Variants in SCAF8 observed in about 807,000 individuals in gnomAD.
The protein encoded by SCAF8 is SR-related and CTD-associated factor 8.
A neutral mutation model predicts 140.5 loss-of-function variants in SCAF8; 23 were observed. That is an observed-to-expected ratio of 0.16 (90% CI 0.12 to 0.23). The LOEUF (loss-of-function observed/expected upper bound fraction) is 0.23. SCAF8 is among the 10% of genes least tolerant of loss of function. The probability of loss-of-function intolerance (pLI) is 1.00; values close to 1 mark genes in which losing one functional copy is unlikely to be tolerated. For synonymous variants in SCAF8, 575 were observed against 528.9 expected (o/e 1.09, Z -1.20); for missense variants, 1,397 against 1,555.7 (o/e 0.90, Z 1.72).
chr6:154,733,885 C>T lies in SCAF8; in HGVS notation c.-16C>T, dbSNP rs777157891. The T allele has an allele frequency of 1.4e-4, 218 of 1,543,914 alleles. 1 individual carries two copies. Among genetic ancestry groups the T allele is most frequent in the Non-Finnish European group, 1.8e-4 (211 of 1,150,704 alleles). ...GCCTCTTCCGCCGCCGGGCTCGGGG[C>T]CTCCGCAGCGACAACATGGAGGCCG... On this transcript the variant is annotated 5_prime_UTR_variant, in exon 1 of 20. Transcript: ENST00000367178.
In SCAF8 at chr6:154,832,811, C is replaced by A. The variant is rs777031188; in HGVS notation, c.3232C>A (p.His1078Asn). The change falls in exon 20 of 20, where the codon CAT (histidine) becomes AAT (asparagine). Residue 1078 changes from histidine to asparagine, a missense_variant. By Grantham distance (68) the His-to-Asn change is moderately conservative. This residue lies in a region of SCAF8 where 930 missense variants were observed against 874.6 expected (regional missense o/e 1.06). Transcript: ENST00000367178. ...RENLVRPGID[H>N]LGRRDHFGFN... is the part of the protein sequence containing the mutation. ...GAATCTTGTGAGGCCAGGTATAGATCATCTTGGTCGAAGAGACCACTTTGG... is the reference window on the plus strand; with the variant it reads ...GAATCTTGTGAGGCCAGGTATAGATAATCTTGGTCGAAGAGACCACTTTGG... 14 of 1,613,888 alleles carry A rather than the reference C, an allele frequency of 8.7e-6. No individual in the cohort carries two copies. The highest frequency in any genetic ancestry group is 1.2e-5 in the Non-Finnish European group (14 of 1,179,992).
intron 1 of SCAF8, among the ~76,000 whole-genome samples, chr6:154,745,682 A>T (rs569545105): frequency 5.9e-5 from 9 of 152,274 alleles, no homozygotes; most frequent in Non-Finnish European, 1.2e-4. Context: ...AGATACTTTG[A>T]TGCAAATACC....
At chr6:154,745,400 A>G (rs773616105) in intron 1 of SCAF8, among the ~76,000 whole-genome samples, 3 of 151,720 alleles carry the variant, frequency 2.0e-5, no homozygotes, top group Non-Finnish European at 2.9e-5. Context: ...ATAGACAGGG[A>G]TCTTGCTCTG....
At chr6:154,770,941 C>T (rs761481795) in intron 1 of SCAF8, among the ~76,000 whole-genome samples, 5 of 152,058 alleles carry the variant, frequency 3.3e-5, no homozygotes, top group East Asian at 1.9e-4. Flanking sequence ...GATGGGGTTT[C>T]GCTGTGTTGG....
intron 1 of SCAF8, among the ~76,000 whole-genome samples, chr6:154,772,848 C>T (rs185056335): frequency 2.0e-5 from 3 of 152,264 alleles, no homozygotes; most frequent in East Asian, 3.9e-4. Context: ...CAACCTCCAC[C>T]TCTTGGGTTC....
intron 18 of SCAF8, among the ~76,000 whole-genome samples, chr6:154,828,912 C>A (rs1014577820): frequency 1.3e-5 from 2 of 152,074 alleles, no homozygotes; most frequent in African/African-American, 4.8e-5. Flanking sequence ...CATTTTCATA[C>A]AATATAGACA....
chr6:154,747,970 G>C (rs981751231), intron 1 of SCAF8, among the ~76,000 whole-genome samples: 1 of 150,802 alleles, frequency 6.6e-6, no homozygotes, highest in Non-Finnish European at 1.5e-5. Flanking sequence ...TCCTCATTTA[G>C]TGCCATTTTA....
At chr6:154,770,665 G>C (rs1360448704) in intron 1 of SCAF8, among the ~76,000 whole-genome samples, 1 of 152,150 alleles carries the variant, frequency 6.6e-6, no homozygotes, top group African/African-American at 2.4e-5. Flanking sequence ...GCCTTTATGA[G>C]AACTTAAGGA....
At chr6:154,801,131 T>C (rs1171537342) in intron 6 of SCAF8, among the ~76,000 whole-genome samples, 1 of 151,472 alleles carries the variant, frequency 6.6e-6, no homozygotes, top group Non-Finnish European at 1.5e-5. Context: ...GTTTCTATCA[T>C]TTTAATAGTT....
At chr6:154,747,266 C>T (rs1441377404) in intron 1 of SCAF8, among the ~76,000 whole-genome samples, 1 of 152,076 alleles carries the variant, frequency 6.6e-6, no homozygotes. Context: ...GTAATCCCAG[C>T]GCTTTGGGAG....
intron 1 of SCAF8, 138 bp downstream of exon 1, chr6:154,734,068 G>A: frequency 7.7e-7 from 1 of 1,306,090 alleles, no homozygotes; most frequent in South Asian, 2.1e-5. Flanking sequence ...TGCCCGTGGG[G>A]GAGGGGTGTT....
Position 154,832,769 on chromosome 6 carries a change from C to G in SCAF8, c.3190C>G (p.Pro1064Ala), listed in dbSNP as rs1333172884. 6.2e-7 allele frequency: 1 copy of G among 1,613,752 alleles called. No individual in the cohort carries two copies. The highest frequency in any genetic ancestry group is 8.5e-7 in the Non-Finnish European group (1 of 1,179,964). Reference sequence around the variant, plus strand: ...TGGTAGGGATCATTTTGGAAGACCTCCTGTAGATATAAGAGAGAATCTTGT... The same window carrying G: ...TGGTAGGGATCATTTTGGAAGACCTGCTGTAGATATAAGAGAGAATCTTGT... The part of the protein sequence containing the change: ...LDGRDHFGRP[P>A]VDIRENLVRP... The change falls in exon 20 of 20, where the codon CCT (proline) becomes GCT (alanine). Residue 1064 changes from proline to alanine, a missense_variant. Physicochemically the swap from Pro to Ala is conservative, Grantham distance 27 (BLOSUM62 -1). Transcript: ENST00000367178.
At chr6:154,788,749 A>T (rs1275682669) in intron 4 of SCAF8, among the ~76,000 whole-genome samples, 1 of 152,222 alleles carries the variant, frequency 6.6e-6, no homozygotes, top group Admixed American at 6.5e-5. Flanking sequence ...TATGTGTAAG[A>T]TCCAAATGTG....
At chr6:154,801,117 C>T (rs1333826838) in intron 6 of SCAF8, among the ~76,000 whole-genome samples, 1 of 151,296 alleles carries the variant, frequency 6.6e-6, no homozygotes, top group Non-Finnish European at 1.5e-5. Flanking sequence ...AGGGGAAATA[C>T]GGTGTTTCTA....
At chr6:154,763,869 T>C (rs556901049) in intron 1 of SCAF8, among the ~76,000 whole-genome samples, 1 of 152,334 alleles carries the variant, frequency 6.6e-6, no homozygotes, top group Admixed American at 6.5e-5. Flanking sequence ...TGTTTATGGC[T>C]GTTTTCTTGC....
chr6:154,761,765 A>G (rs535071595), intron 1 of SCAF8, among the ~76,000 whole-genome samples: 1 of 152,108 alleles, frequency 6.6e-6, no homozygotes, highest in Non-Finnish European at 1.5e-5. Context: ...AACCTTAGGA[A>G]GATAAAGTTT....
intron 1 of SCAF8, among the ~76,000 whole-genome samples, chr6:154,747,590 T>C (rs1045454726): frequency 2.6e-5 from 4 of 152,196 alleles, no homozygotes; most frequent in Non-Finnish European, 5.9e-5. Context: ...CCAAAGGCTA[T>C]GCTTTGCTGG....
intron 1 of SCAF8, among the ~76,000 whole-genome samples, chr6:154,754,732 C>CT (rs929340223): frequency 1.3e-5 from 2 of 152,146 alleles, no homozygotes; most frequent in African/African-American, 4.8e-5. Context: ...TTCCTTAGGC[C>CT]TTGTAGGCTC....
chr6:154,813,350 T>C (rs1294080899), intron 12 of SCAF8, among the ~76,000 whole-genome samples: 2 of 152,086 alleles, frequency 1.3e-5, no homozygotes, highest in Non-Finnish European at 2.9e-5. Flanking sequence ...AGCAAAACCA[T>C]GTCTGTACTA....
Sources: gnomAD v4.1 joint callset for allele counts (sites outside exome capture counted in the v4.1 genomes callset) on GRCh38, gnomAD v4.1.1 for gene constraint, gnomAD v4.1.1 regional missense constraint, MANE v1.5 for transcripts, NCBI Gene and HGNC (gene_info 2026-07-23, HGNC 2026-07-21) for gene names.